Variants in PPP2R5C observed in about 807,000 individuals in gnomAD.
PPP2R5C encodes protein phosphatase 2 regulatory subunit B'gamma.
PPP2R5C carries 7 observed loss-of-function variants against 68.9 expected under a neutral mutation model. The observed-to-expected ratio is 0.10, with a 90% confidence interval of 0.06 to 0.19. The LOEUF (loss-of-function observed/expected upper bound fraction) is 0.19, where lower values mean the gene tolerates loss of function less well. PPP2R5C is among the 10% of genes least tolerant of loss of function. The pLI is 1.00. For missense variants in PPP2R5C, 348 were observed against 641.3 expected, an observed-to-expected ratio of 0.54 and a Z score of 4.94; for synonymous variants, 210 against 222.2, an observed-to-expected ratio of 0.95 and a Z score of 0.49.
chr14:101,822,086 CCCCA>C (rs2040117563), intron 1 of PPP2R5C, among the ~76,000 whole-genome samples: 1 of 138,272 alleles, frequency 7.2e-6, no homozygotes, highest in Admixed American at 7.0e-5. Flanking sequence ...CCTGCCCCCC[CCCCA>C]CACACACACA....
chr14:101,925,515 C>A, exon 14 of PPP2R5C: 1 of 499,400 alleles, frequency 2.0e-6, no homozygotes, highest in Non-Finnish European at 3.4e-6. Flanking sequence ...GCCACCCCAG[C>A]GTAGTCCAAG....
intron 2 of PPP2R5C, among the ~76,000 whole-genome samples, chr14:101,881,259 G>A (rs958324585): frequency 3.5e-4 from 54 of 152,174 alleles, no homozygotes; most frequent in African/African-American, 1.3e-3. Flanking sequence ...AATTAGCCAG[G>A]CATGGTGGTG....
At chr14:101,889,217 T>C (rs2044700142) in intron 5 of PPP2R5C, among the ~76,000 whole-genome samples, 1 of 152,214 alleles carries the variant, frequency 6.6e-6, no homozygotes, top group Non-Finnish European at 1.5e-5. Flanking sequence ...TTCTCAAACT[T>C]ATTTTTGGCT....
At chr14:101,836,155 T>G in intron 1 of PPP2R5C, 1 of 676,470 alleles carries the variant, frequency 1.5e-6, no homozygotes, top group African/African-American at 1.8e-5. Context: ...GCTGAAAGGT[T>G]TTTTTTTTTG....
chr14:101,855,220 G>A (rs1359836819), intron 1 of PPP2R5C, among the ~76,000 whole-genome samples: 1 of 152,198 alleles, frequency 6.6e-6, no homozygotes, highest in East Asian at 1.9e-4. Flanking sequence ...AACTAATTTA[G>A]TGGTAAGAGT....
chr14:101,813,659 A>G (rs1478964604), intron 1 of PPP2R5C, among the ~76,000 whole-genome samples: 1 of 152,238 alleles, frequency 6.6e-6, no homozygotes, highest in Non-Finnish European at 1.5e-5. Flanking sequence ...GAGGAAGCAC[A>G]CAGTTTGAGC....
intron 1 of PPP2R5C, among the ~76,000 whole-genome samples, chr14:101,822,384 G>GCT (rs992248404): frequency 3.9e-5 from 6 of 152,164 alleles, no homozygotes; most frequent in African/African-American, 1.4e-4. Flanking sequence ...TAAGAGAAAT[G>GCT]CTCTGCCAGG....
chr14:101,897,981 C>T (rs2045452741), intron 8 of PPP2R5C, among the ~76,000 whole-genome samples: 1 of 148,506 alleles, frequency 6.7e-6, no homozygotes, highest in South Asian at 2.1e-4. Flanking sequence ...ATAGTGAGAC[C>T]TCCTCTCTAC....
intron 8 of PPP2R5C, among the ~76,000 whole-genome samples, chr14:101,901,094 G>A (rs773810011): frequency 4.6e-5 from 7 of 152,240 alleles, no homozygotes; most frequent in Non-Finnish European, 8.8e-5. Context: ...ATGTGTGTTT[G>A]TGTATAAACA....
chr14:101,821,445 GT>G (rs1202275330), intron 1 of PPP2R5C, among the ~76,000 whole-genome samples: 21 of 134,060 alleles, frequency 1.6e-4, no homozygotes, highest in African/African-American at 5.1e-4. Context: ...TGGGGGGTGG[GT>G]GGGTGGGTGT....
At chr14:101,766,627 TA>T (rs1156655800) in intron 2 of PPP2R5C, 1 of 152,236 alleles carries the variant, frequency 6.6e-6, no homozygotes, top group East Asian at 1.9e-4. Flanking sequence ...ATAGAATGGT[TA>T]ATTTTGACTT....
In PPP2R5C at chr14:101,859,560, T is replaced by A. The variant is rs117471004; in HGVS notation, c.294+2675T>A. Among the ~76,000 whole-genome samples, 1,335 of 152,292 alleles carry A rather than the reference T, an allele frequency of 8.8e-3. 10 individuals carry two copies. Among genetic ancestry groups the A allele is most frequent in the Middle Eastern group, 0.024 (7 of 294 alleles). On this transcript the variant is annotated intron_variant, in intron 2 of 13. Transcript: ENST00000334743. ...ATAGGGGATGGGGACAGATTGGATT[T>A]TTGGTTTTGTTGTTTTGTTCTGTAG...
At chr14:101,813,550 G>A (rs1382250668) in intron 1 of PPP2R5C, among the ~76,000 whole-genome samples, 3 of 152,220 alleles carry the variant, frequency 2.0e-5, no homozygotes, top group African/African-American at 4.8e-5. Context: ...GCTGTGAGGC[G>A]TGGTGGGTGG....
At chr14:101,831,567 T>G in intron 1 of PPP2R5C, 2 of 498,418 alleles carry the variant, frequency 4.0e-6, no homozygotes, top group South Asian at 6.9e-5. Flanking sequence ...CCTGTCTGAG[T>G]TGTAAGATGG....
chr14:101,791,455 T>C (rs2038361027), intron 3 of PPP2R5C, among the ~76,000 whole-genome samples: 1 of 152,202 alleles, frequency 6.6e-6, no homozygotes, highest in South Asian at 2.1e-4. Flanking sequence ...ACAGTAAAAA[T>C]AAATTATTAC....
intron 1 of PPP2R5C, among the ~76,000 whole-genome samples, chr14:101,821,278 A>G (rs902638793): frequency 1.3e-5 from 2 of 152,018 alleles, no homozygotes; most frequent in Admixed American, 6.6e-5. Flanking sequence ...TAATCAATTA[A>G]TATGTGAATA....
At chr14:101,790,289 C>T (rs1480809995) in intron 3 of PPP2R5C, among the ~76,000 whole-genome samples, 2 of 152,152 alleles carry the variant, frequency 1.3e-5, no homozygotes, top group African/African-American at 4.8e-5. Context: ...TATCCTAAAA[C>T]TCACCCATTG....
rs190578704 is a variant in PPP2R5C, at chr14:101,762,787, A to G, written c.28-118A>G. The G allele has an allele frequency of 3.1e-5, 26 of 836,814 alleles. No individual in the cohort carries two copies. The East Asian group carries it at 6.1e-4, about 20-fold the overall frequency. The allele number at this position is 836,814 out of a possible 1,614,324, so 51.8% of individuals were successfully genotyped here. ...GATATAGAATTTCCTAATGGTATGA[A>G]TTAAAAATATCAGAAGCTGTAGTTG... On this transcript the variant is annotated intron_variant, in intron 1 of 14. Coordinates refer to the PPP2R5C transcript ENST00000328724.
chr14:101,806,158 G>C (rs1426577059), upstream of PPP2R5C, among the ~76,000 whole-genome samples: 1 of 151,622 alleles, frequency 6.6e-6, no homozygotes, highest in African/African-American at 2.4e-5. Context: ...TTGTTGCATA[G>C]GTATACATGT....
Sources: gnomAD v4.1 joint callset for allele counts (sites outside exome capture counted in the v4.1 genomes callset) on GRCh38, gnomAD v4.1.1 for gene constraint, MANE v1.5 for transcripts, NCBI Gene and HGNC (gene_info 2026-07-23, HGNC 2026-07-21) for gene names.